EYS: variants seen among roughly 807,000 people sequenced by gnomAD.
The protein encoded by EYS is protein eyes shut homolog.
Under a neutral mutation model 282.1 loss-of-function variants are expected in EYS, and 250 were observed. The ratio of observed to expected loss-of-function variants is 0.89; its 90% CI spans 0.80 to 0.98. The LOEUF (loss-of-function observed/expected upper bound fraction) is 0.98, where lower values mean the gene tolerates loss of function less well. EYS is among the 50% of genes least tolerant of loss of function. The probability of loss-of-function intolerance (pLI) is 0.00; values close to 1 mark genes in which losing one functional copy is unlikely to be tolerated. For synonymous variants in EYS, 1,355 were observed against 1,282.9 expected, an observed-to-expected ratio of 1.06 and a Z score of -1.20; for missense variants, 4,016 against 3,709.0, an observed-to-expected ratio of 1.08 and a Z score of -2.15.
At chr6:64,641,143 T>C (rs1253790103) in intron 22 of EYS, among the ~76,000 whole-genome samples, 4 of 152,202 alleles carry the variant, frequency 2.6e-5, no homozygotes, top group African/African-American at 9.6e-5. Context: ...GAAACAGGTT[T>C]AATTGGACTT....
In EYS at chr6:64,082,731, A is replaced by G. The variant is rs532063217; in HGVS notation, c.6425-729T>C. Among the ~76,000 whole-genome samples the G allele has an allele frequency of 1.2e-3, 188 of 152,132 alleles. 1 individual carries two copies. The highest frequency in any genetic ancestry group is 2.3e-3 in the Non-Finnish European group (154 of 68,008). On this transcript the variant is annotated intron_variant, in intron 31 of 42. Transcript: ENST00000503581. ...TTATTAGTTTTAGACTTATAGAATT[A>G]TTTGTATTTTAAATAATCTCACAAA...
intron 8 of EYS, among the ~76,000 whole-genome samples, chr6:65,373,494 T>C (rs981734186): frequency 2.6e-5 from 4 of 151,940 alleles, no homozygotes; most frequent in African/African-American, 9.7e-5. Flanking sequence ...GTAAAATCAA[T>C]TTCTGAGGGA....
intron 22 of EYS, among the ~76,000 whole-genome samples, chr6:64,674,726 ATT>A (rs1460224924): frequency 2.7e-5 from 2 of 74,012 alleles, no homozygotes; most frequent in African/African-American, 5.7e-5. Flanking sequence ...CATTTCTGTC[ATT>A]AACACACACA....
At chr6:65,574,749 T>C (rs76704490) in intron 2 of EYS, among the ~76,000 whole-genome samples, 3,278 of 152,210 alleles carry the variant, frequency 0.022, 46 homozygotes, top group Non-Finnish European at 0.031. Flanking sequence ...ACTTGAACTA[T>C]ATGCTTTAGA....
At chr6:64,056,516 A>G (rs1440523021) in intron 33 of EYS, among the ~76,000 whole-genome samples, 1 of 152,180 alleles carries the variant, frequency 6.6e-6, no homozygotes, top group South Asian at 2.1e-4. Context: ...GGCTACACCA[A>G]ACTGGAACTG....
At chr6:64,548,521 C>T (rs1764955193) in intron 26 of EYS, among the ~76,000 whole-genome samples, 1 of 152,122 alleles carries the variant, frequency 6.6e-6, no homozygotes, top group South Asian at 2.1e-4. Context: ...AGTTCATGTG[C>T]TTCGTGGGGA....
intron 31 of EYS, among the ~76,000 whole-genome samples, chr6:64,124,863 A>T (rs902699934): frequency 1.9e-4 from 29 of 151,592 alleles, no homozygotes; most frequent in Non-Finnish European, 4.4e-5. Flanking sequence ...TGAGAGAAGA[A>T]GATGTGCAAA....
At chr6:65,184,259 C>A (rs1412453962) in intron 12 of EYS, among the ~76,000 whole-genome samples, 1 of 151,790 alleles carries the variant, frequency 6.6e-6, no homozygotes, top group African/African-American at 2.4e-5. Flanking sequence ...GATCAAGCGG[C>A]CAGCATTTGA....
At chr6:64,945,521 C>A (rs1161432397) in intron 15 of EYS, among the ~76,000 whole-genome samples, 1 of 152,010 alleles carries the variant, frequency 6.6e-6, no homozygotes, top group Non-Finnish European at 1.5e-5. Context: ...ATGGCAAAAA[C>A]ATGTTTTGAA....
At chr6:65,520,938 A>G (rs1767345347) in intron 2 of EYS, among the ~76,000 whole-genome samples, 1 of 152,086 alleles carries the variant, frequency 6.6e-6, no homozygotes, top group Non-Finnish European at 1.5e-5. Context: ...AGAGTAACAA[A>G]CATCTTCTCA....
chr6:64,822,882 T>C, intron 19 of EYS, 60 bp from the exon 20 acceptor site: 1 of 1,408,358 alleles, frequency 7.1e-7, no homozygotes, highest in Admixed American at 2.3e-5. Flanking sequence ...TCTTAAAAGT[T>C]TGTTCATTAT....
chr6:65,096,774 A>G lies in EYS; in HGVS notation c.2024-39047T>C, dbSNP rs532400035. Among the ~76,000 whole-genome samples the G allele has an allele frequency of 2.6e-5, 4 of 151,152 alleles. No homozygotes were observed. The South Asian group carries it at 8.3e-4, about 31-fold the overall frequency. On this transcript the variant is annotated intron_variant, in intron 12 of 42. Transcript: ENST00000503581. ...TGAAATGTTTTCTTCAACAAATGCT[A>G]TTGAGAAACTGGATATTTACATGCA...
intron 24 of EYS, among the ~76,000 whole-genome samples, chr6:64,604,155 C>A (rs1252217672): frequency 1.3e-5 from 2 of 151,946 alleles, no homozygotes; most frequent in African/African-American, 2.4e-5. Context: ...TCCTGAGAGT[C>A]ATTGCCTGGG....
chr6:64,470,310 A>T (rs1030104625), intron 26 of EYS, among the ~76,000 whole-genome samples: 2 of 152,272 alleles, frequency 1.3e-5, no homozygotes, highest in African/African-American at 2.4e-5. Flanking sequence ...AAATAGTGAT[A>T]TTAAAGAAAT....
chr6:64,352,738 T>G (rs1377929033), intron 29 of EYS, among the ~76,000 whole-genome samples: 2 of 151,578 alleles, frequency 1.3e-5, no homozygotes, highest in East Asian at 3.9e-4. Context: ...CTTATATCTA[T>G]ATGGAAGAAA....
chr6:64,720,347 T>C (rs1771537870), intron 22 of EYS, among the ~76,000 whole-genome samples: 1 of 152,186 alleles, frequency 6.6e-6, no homozygotes, highest in African/African-American at 2.4e-5. Context: ...ACCCAGATTA[T>C]CCAGGACAAT....
At chr6:64,588,896 A>G (rs1235141188) in intron 26 of EYS, among the ~76,000 whole-genome samples, 1 of 152,056 alleles carries the variant, frequency 6.6e-6, no homozygotes, top group African/African-American at 2.4e-5. Context: ...CAAAATAAAG[A>G]ATAGTTGCAA....
intron 29 of EYS, among the ~76,000 whole-genome samples, chr6:64,367,507 G>A (rs1038496684): frequency 6.6e-6 from 1 of 151,942 alleles, no homozygotes; most frequent in Non-Finnish European, 1.5e-5. Context: ...AAGAGAGGGA[G>A]GATGGAACAC....
chr6:65,308,133 C>T lies in EYS; in HGVS notation c.1767-12014G>A, dbSNP rs1399823630. 3.2e-3 allele frequency among the ~76,000 whole-genome samples: 172 copies of T among 53,842 alleles called. 2 individuals carry two copies. Among genetic ancestry groups the T allele is most frequent in the African/African-American group, 0.012 (166 of 13,602 alleles). The allele number at this position is 53,842 out of a possible 152,430, so 35.3% of individuals were successfully genotyped here. A position where few individuals can be genotyped will look rare whatever the true frequency, so the allele number is the denominator to read the frequency against. ...GACAGACTACAGGCACATCCCACCA[C>T]GCCCAGCTAATTTTTTGTATTTTTA... On this transcript the variant is annotated intron_variant, in intron 11 of 42. Transcript: ENST00000503581.
Sources: gnomAD v4.1 joint callset for allele counts (sites outside exome capture counted in the v4.1 genomes callset) on GRCh38, gnomAD v4.1.1 for gene constraint, MANE v1.5 for transcripts, NCBI Gene and HGNC (gene_info 2026-07-23, HGNC 2026-07-21) for gene names.